The following CFTR variants were observed in gnomAD, a reference collection of about 807,000 sequenced individuals.
CFTR encodes cystic fibrosis transmembrane conductance regulator.
CFTR carries 181 observed loss-of-function variants against 171.6 expected under a neutral mutation model. The ratio of observed to expected loss-of-function variants is 1.05; its 90% CI spans 0.93 to 1.19. The LOEUF (loss-of-function observed/expected upper bound fraction) is 1.19, where lower values mean the gene tolerates loss of function less well. Ranked by LOEUF, CFTR falls within the 50% of genes most tolerant of loss-of-function variation. CFTR has a pLI of 0.00. For missense variants in CFTR, 1,968 were observed against 1,734.7 expected (o/e 1.13, Z -2.39); for synonymous variants, 583 against 608.0 (o/e 0.96, Z 0.60).
At chr7:117,570,939 CTAAG>C (rs1270598083) in intron 11 of CFTR, among the ~76,000 whole-genome samples, 1 of 152,096 alleles carries the variant, frequency 6.6e-6, no homozygotes, top group Non-Finnish European at 1.5e-5. Flanking sequence ...TACCATAATC[CTAAG>C]TAAGTGTATA....
At chr7:117,604,442 C>A (rs796402005) in intron 17 of CFTR, among the ~76,000 whole-genome samples, 21 of 152,258 alleles carry the variant, frequency 1.4e-4, no homozygotes, top group African/African-American at 4.8e-4. Context: ...TTTTTCATAG[C>A]AACCTGTGAG....
At chr7:117,569,287 A>G (rs1791650844) in intron 11 of CFTR, among the ~76,000 whole-genome samples, 1 of 152,132 alleles carries the variant, frequency 6.6e-6, no homozygotes, top group East Asian at 1.9e-4. Flanking sequence ...AACTTTCAAG[A>G]GAGTATTGCA....
At chr7:117,596,183 C>CT (rs397702375) in intron 15 of CFTR, among the ~76,000 whole-genome samples, 1 of 151,016 alleles carries the variant, frequency 6.6e-6, no homozygotes, top group Non-Finnish European at 1.5e-5. Context: ...CTGCGGGTGC[C>CT]TTGTGGGCCA....
chr7:117,614,801 C>G (rs1279047035), intron 21 of CFTR, 88 bp downstream of exon 21: 3 of 813,856 alleles, frequency 3.7e-6, no homozygotes, highest in South Asian at 1.4e-5. Flanking sequence ...AACTATATAC[C>G]GTATATTGAG....
At chr7:117,590,309 G>A in intron 12 of CFTR, 44 bp from the exon 13 acceptor site, 1 of 1,587,468 alleles carries the variant, frequency 6.3e-7, no homozygotes, top group South Asian at 1.1e-5. Flanking sequence ...TAGATGACCA[G>A]GAAATAGAGA....
At chr7:117,520,051 A>G (rs185047879) in intron 3 of CFTR, among the ~76,000 whole-genome samples, 2 of 152,072 alleles carry the variant, frequency 1.3e-5, no homozygotes, top group Admixed American at 1.3e-4. Flanking sequence ...AGTGAAAAAG[A>G]GCATATTATT....
At chr7:117,627,470 G>T in intron 21 of CFTR, 52 bp from the exon 22 acceptor site, 1 of 1,597,138 alleles carries the variant, frequency 6.3e-7, no homozygotes. Context: ...CAAACTAATT[G>T]TGAAATTGTC....
chr7:117,603,891 C>T (rs1792266109), intron 17 of CFTR, 109 bp downstream of exon 17: 3 of 1,157,538 alleles, frequency 2.6e-6, no homozygotes, highest in Middle Eastern at 1.9e-4. Flanking sequence ...GGCATGTGCC[C>T]TTTGTTGAAC....
intron 24 of CFTR, among the ~76,000 whole-genome samples, chr7:117,653,787 A>T (rs1793122116): frequency 6.6e-6 from 1 of 152,204 alleles, no homozygotes; most frequent in South Asian, 2.1e-4. Flanking sequence ...TCATCTAAAT[A>T]TCAGCTAAAT....
At chr7:117,492,006 G>A (rs1798166877) in intron 1 of CFTR, among the ~76,000 whole-genome samples, 1 of 151,980 alleles carries the variant, frequency 6.6e-6, no homozygotes, top group South Asian at 2.1e-4. Flanking sequence ...CATTGCAGAG[G>A]ATGTTAAGTG....
At chr7:117,579,116 A>T (rs932802121) in intron 11 of CFTR, among the ~76,000 whole-genome samples, 4 of 152,090 alleles carry the variant, frequency 2.6e-5, no homozygotes, top group Non-Finnish European at 2.9e-5. Context: ...GATTCATAAT[A>T]GTAGCAAACC....
At chr7:117,642,369 A>T (rs564631137) in intron 22 of CFTR, 69 bp from the exon 23 acceptor site, 1 of 1,390,160 alleles carries the variant, frequency 7.2e-7, no homozygotes, top group African/African-American at 1.4e-5. Context: ...TTGAAGTACA[A>T]TACTGAATTA....
chr7:117,536,634 G>C lies in CFTR; in HGVS notation c.830G>C (p.Trp277Ser). Residue 277 changes from tryptophan (W) to serine (S), a missense_variant, in exon 7 of 27, where the codon TGG (tryptophan) becomes TCG (serine). By Grantham distance (177) the Trp-to-Ser change is radical. Coordinates refer to ENST00000003084, the MANE Select transcript of CFTR (RefSeq NM_000492.4). ...ATCCAATCTGTTAAGGCATACTGCT[G>C]GGAAGAAGCAATGGAAAAAATGATT... ...ENIQSVKAYC[W>S]EEAMEKMIEN... 20 of 1,611,760 alleles carry C rather than the reference G, an allele frequency of 1.2e-5. No individual in the cohort carries two copies. The highest frequency in any genetic ancestry group is 1.7e-5 in the Non-Finnish European group (20 of 1,179,148).
chr7:117,653,347 T>G (rs1327289141), intron 24 of CFTR, among the ~76,000 whole-genome samples: 1 of 152,226 alleles, frequency 6.6e-6, no homozygotes, highest in Non-Finnish European at 1.5e-5. Flanking sequence ...AAGACTGAGC[T>G]GCTTATAAGC....
chr7:117,499,565 G>T (rs1410873652), intron 1 of CFTR, among the ~76,000 whole-genome samples: 1 of 147,702 alleles, frequency 6.8e-6, no homozygotes, highest in African/African-American at 2.5e-5. Flanking sequence ...TTTTTTCAAA[G>T]TTAGTTTAAA....
chr7:117,643,561 T>C (rs934295572), intron 23 of CFTR, among the ~76,000 whole-genome samples: 10 of 152,186 alleles, frequency 6.6e-5, no homozygotes, highest in Admixed American at 2.6e-4. Context: ...TTAATTTATT[T>C]GTCTAGACTT....
chr7:117,497,562 A>G lies in CFTR; in HGVS notation c.54-6691A>G, dbSNP rs370483286. On this transcript the variant is annotated intron_variant, in intron 1 of 26. Transcript: ENST00000003084. ...GATATCACTGGGAAATAATAGAGAC[A>G]AGGTTACAAGCTAGGGCTGTGTTTT... Among the ~76,000 whole-genome samples, 37 of 152,290 alleles carry G rather than the reference A, an allele frequency of 2.4e-4. 1 individual carries two copies. The East Asian group carries it at 6.4e-3, about 26-fold the overall frequency.
intron 1 of CFTR, among the ~76,000 whole-genome samples, chr7:117,493,403 G>A (rs1030767874): frequency 1.3e-5 from 2 of 152,018 alleles, no homozygotes; most frequent in African/African-American, 4.8e-5. Flanking sequence ...TTAAAGCAAG[G>A]CTTTTGAGGT....
chr7:117,567,707 G>A (rs888232519), intron 11 of CFTR, among the ~76,000 whole-genome samples: 2 of 152,072 alleles, frequency 1.3e-5, no homozygotes, highest in African/African-American at 2.4e-5. Context: ...GATATCATTC[G>A]GTAAATACTT....
Sources: allele counts gnomAD v4.1 joint callset (sites outside exome capture counted in the v4.1 genomes callset), GRCh38; gene constraint gnomAD v4.1.1; transcripts MANE v1.5; gene names NCBI Gene and HGNC (gene_info 2026-07-23, HGNC 2026-07-21).